SLC46A3: variants seen among roughly 807,000 people sequenced by gnomAD.
The protein encoded by SLC46A3 is lysosomal proton-coupled steroid conjugate and bile acid symporter SLC46A3.
SLC46A3 carries 26 observed loss-of-function variants against 38.5 expected under a neutral mutation model. That is an observed-to-expected ratio of 0.68 (90% CI 0.49 to 0.94). The LOEUF (loss-of-function observed/expected upper bound fraction) is 0.94, where lower values mean the gene tolerates loss of function less well. Ranked by LOEUF, SLC46A3 falls within the 40% of genes least tolerant of loss-of-function variation. The pLI is 0.00. For synonymous variants in SLC46A3, 185 were observed against 192.5 expected (o/e 0.96, Z 0.32); for missense variants, 510 against 544.3 (o/e 0.94, Z 0.63).
rs754036909 is a variant in SLC46A3 at position 28,712,969 on chromosome 13, TC to T, written c.770del (p.Arg257HisfsTer11). The T allele has an allele frequency of 6.2e-7, 1 of 1,612,850 alleles. No individual in the cohort carries two copies. Among genetic ancestry groups the T allele is most frequent in the East Asian group, 2.2e-5 (1 of 44,852 alleles). ...MLFKNASGKR[R>X]FLLCLLLFTV... The stretch of plus-strand genomic sequence containing the variant: ...TAAAAAGTAACAAACAGAGCAAAAA[TC>T]GTCTCTTACCAGAAGCATTCTTAAA... On this transcript the variant is annotated frameshift_variant, in exon 3 of 6. Transcript: ENST00000266943. LOFTEE classifies it high-confidence loss of function.
At chr13:28,707,223 C>A (rs1469357068) in intron 4 of SLC46A3, among the ~76,000 whole-genome samples, 1 of 151,720 alleles carries the variant, frequency 6.6e-6, no homozygotes, top group Non-Finnish European at 1.5e-5. Flanking sequence ...TGCAGCCATA[C>A]AAAAGGATGA....
Position 28,701,347 on chromosome 13 carries a change from A to C in SLC46A3, c.*150T>G. 7.6e-6 allele frequency: 11 copies of C among 1,438,222 alleles called. No individual in the cohort carries two copies. Among genetic ancestry groups the C allele is most frequent in the Non-Finnish European group, 1.0e-5 (11 of 1,097,086 alleles). 89.1% of individuals were successfully genotyped at this position (1,438,222 alleles called of 1,614,324 possible). A position where few individuals can be genotyped will look rare whatever the true frequency, so the allele number is the denominator to read the frequency against. On this transcript the variant is annotated 3_prime_UTR_variant, in exon 6 of 6. Coordinates refer to ENST00000266943, the MANE Select transcript of SLC46A3 (RefSeq NM_181785.4). ...GGTACCACAAGAAGCTAAAGCCAGG[A>C]GCTGTCTCTCTGACTGTTCAGTTTA...
intron 5 of SLC46A3, chr13:28,703,692 T>A (rs988887828): frequency 1.7e-5 from 4 of 232,228 alleles, no homozygotes; most frequent in Non-Finnish European, 2.5e-5. Flanking sequence ...ATTAAAAAAA[T>A]TTATTTTATT....
chr13:28,718,040 G>A lies in SLC46A3; in HGVS notation c.-24-18C>T, dbSNP rs1242973974. ...GCTGTATTCTATAAAAAGTGAAAAC[G>A]GAGAAAGATCATCTGTCTCATCCCA... On this transcript the variant is annotated intron_variant, in intron 1 of 5. Transcript: ENST00000266943. 1.9e-6 allele frequency: 3 copies of A among 1,571,770 alleles called. No individual in the cohort carries two copies. The highest frequency in any genetic ancestry group is 2.7e-5 in the African/African-American group (2 of 72,956).
At position 28,717,484 on chromosome 13, in the gene SLC46A3, ACT is replaced by A. The variant is rs1491516147; in HGVS notation, c.189+324_189+325del. ...CAGCCTGCCCTGCCCCAATTTTCAG[ACT>A]TTTTTTTTTTTTTTTTTTTTTTTTA... On this transcript the variant is annotated intron_variant, in intron 2 of 5. Transcript: ENST00000266943. 4.0e-4 allele frequency among the ~76,000 whole-genome samples: 38 copies of A among 94,276 alleles called. 5 individuals carry two copies. Among genetic ancestry groups the A allele is most frequent in the South Asian group, 1.6e-3 (3 of 1,850 alleles). The allele number at this position is 94,276 out of a possible 152,430, so 61.8% of individuals were successfully genotyped here.
intron 2 of SLC46A3, among the ~76,000 whole-genome samples, chr13:28,715,806 G>A (rs1376287122): frequency 6.6e-6 from 1 of 152,034 alleles, no homozygotes; most frequent in Non-Finnish European, 1.5e-5. Flanking sequence ...AAACACCACT[G>A]TATACTCCAT....
At chr13:28,711,293 G>A (rs1273661760) in intron 3 of SLC46A3, among the ~76,000 whole-genome samples, 3 of 152,068 alleles carry the variant, frequency 2.0e-5, no homozygotes, top group African/African-American at 7.2e-5. Flanking sequence ...GCGTGGTGGC[G>A]CATGCCTGCA....
chr13:28,710,736 A>G (rs1299256151), intron 4 of SLC46A3, 24 bp downstream of exon 4: 1 of 1,553,040 alleles, frequency 6.4e-7, no homozygotes, highest in African/African-American at 1.4e-5. Flanking sequence ...GTAGATTCAT[A>G]TTTCTTAAGC....
rs1228918133 is a variant in SLC46A3 at position 28,700,928 on chromosome 13, T to C, written c.*569A>G. ...TCTTCAGAAGTCACAGTATATAAGC[T>C]CCGACTATCAATAGCAGCTTAACAG... On this transcript the variant is annotated 3_prime_UTR_variant, in exon 6 of 6. Transcript: ENST00000266943. The C allele has an allele frequency of 1.5e-5, 23 of 1,494,510 alleles. No homozygotes were observed. Among genetic ancestry groups the C allele is most frequent in the Non-Finnish European group, 2.1e-5 (23 of 1,096,464 alleles). 92.6% of individuals were successfully genotyped at this position (1,494,510 alleles called of 1,614,324 possible).
chr13:28,707,167 T>C (rs1304510809), intron 4 of SLC46A3, among the ~76,000 whole-genome samples: 3 of 151,946 alleles, frequency 2.0e-5, no homozygotes, highest in African/African-American at 4.8e-5. Flanking sequence ...CCATCAATGA[T>C]AGACTGGATT....
At chr13:28,710,691 C>A in intron 4 of SLC46A3, 69 bp downstream of exon 4, 1 of 1,174,992 alleles carries the variant, frequency 8.5e-7, no homozygotes. Context: ...AAGCATTAAA[C>A]ATTGATTGTA....
Position 28,713,176 on chromosome 13 carries a change from G to C in SLC46A3, c.564C>G (p.Gly188=), listed in dbSNP as rs774801971. 23 of 1,613,940 alleles carry C rather than the reference G, an allele frequency of 1.4e-5. No individual in the cohort carries two copies. In the Middle Eastern group the frequency reaches 4.9e-4, roughly 35 times the overall value. Residue 188 remains glycine (G), a synonymous_variant, in exon 3 of 6, where the codon GGC becomes GGG. Coordinates refer to ENST00000266943, the MANE Select transcript of SLC46A3 (RefSeq NM_181785.4). ...LVTGLTGLSS[G]YFIRELGFEW... ...CAAAACCTAGCTCTCTAATAAAATA[G>C]CCAGATGACAGTCCTGTTAGTCCAG...
chr13:28,710,369 G>A (rs1014210406), intron 4 of SLC46A3, among the ~76,000 whole-genome samples: 3 of 152,236 alleles, frequency 2.0e-5, no homozygotes, highest in Non-Finnish European at 2.9e-5. Flanking sequence ...GGAGAAGGTG[G>A]CTGAGGAAGA....
intron 2 of SLC46A3, 98 bp downstream of exon 2, chr13:28,717,712 A>C: frequency 1.6e-6 from 2 of 1,251,850 alleles, no homozygotes; most frequent in Non-Finnish European, 2.2e-6. Flanking sequence ...TGGCCGCCCT[A>C]GAGAGACCAA....
rs976205416 is a variant in SLC46A3 at position 28,701,331 on chromosome 13, A to G, written c.*166T>C. Reference sequence around the variant, plus strand: ...AGTGCTCAAAGTGCGTGGTACCACAAGAAGCTAAAGCCAGGAGCTGTCTCT... The same window carrying G: ...AGTGCTCAAAGTGCGTGGTACCACAGGAAGCTAAAGCCAGGAGCTGTCTCT... On this transcript the variant is annotated 3_prime_UTR_variant, in exon 6 of 6. Coordinates refer to ENST00000266943, the MANE Select transcript of SLC46A3 (RefSeq NM_181785.4). 4 of 1,430,760 alleles carry G rather than the reference A, an allele frequency of 2.8e-6. No homozygotes were observed. The highest frequency in any genetic ancestry group is 6.2e-5 in the Admixed American group (2 of 32,466). The allele number at this position is 1,430,760 out of a possible 1,614,324, so 88.6% of individuals were successfully genotyped here.
At chr13:28,702,114 TTTTC>T (rs1369016878) in intron 5 of SLC46A3, among the ~76,000 whole-genome samples, 1 of 152,124 alleles carries the variant, frequency 6.6e-6, no homozygotes, top group Non-Finnish European at 1.5e-5. Context: ...TATGCAATTC[TTTTC>T]TTTAAGTGTT....
At chr13:28,706,265 A>T (rs1238810761) in intron 4 of SLC46A3, among the ~76,000 whole-genome samples, 2 of 152,176 alleles carry the variant, frequency 1.3e-5, no homozygotes, top group Non-Finnish European at 2.9e-5. Flanking sequence ...TACCTTTCTT[A>T]TTTAAGATAA....
At chr13:28,708,956 A>T (rs1296069972) in intron 4 of SLC46A3, among the ~76,000 whole-genome samples, 1 of 152,072 alleles carries the variant, frequency 6.6e-6, no homozygotes, top group East Asian at 1.9e-4. Flanking sequence ...TCCATTTGTT[A>T]TTGGTTTTCA....
In SLC46A3 at chr13:28,718,491, C is replaced by T. The variant is rs1229304481; in HGVS notation, c.-25+5G>A. On this transcript the variant is annotated splice_donor_5th_base_variant and intron_variant, in intron 1 of 5. Transcript: ENST00000266943. ...CCAATCGAAAGGGCCTTATTTTTAA[C>T]TCACCCCACGATTACAGTCTTCCTG... The T allele has an allele frequency of 6.5e-6, 1 of 152,748 alleles. No individual in the cohort carries two copies. The highest frequency in any genetic ancestry group is 2.4e-5 in the African/African-American group (1 of 41,480). 9.5% of individuals were successfully genotyped at this position (152,748 alleles called of 1,614,324 possible).
Sources: allele counts gnomAD v4.1 joint callset (sites outside exome capture counted in the v4.1 genomes callset), GRCh38; gene constraint gnomAD v4.1.1; transcripts MANE v1.5; gene names NCBI Gene and HGNC (gene_info 2026-07-23, HGNC 2026-07-21).